Variants in TENT4B observed in about 807,000 individuals in gnomAD.
The protein encoded by TENT4B is terminal nucleotidyltransferase 4B.
In TENT4B, 10 loss-of-function variants were observed where a neutral mutation model predicts 75.0. That is an observed-to-expected ratio of 0.13 (90% CI 0.08 to 0.23). The LOEUF is 0.23. TENT4B is among the 10% of genes least tolerant of loss of function. TENT4B has a pLI of 1.00. For synonymous variants in TENT4B, 350 were observed against 357.7 expected (o/e 0.98, Z 0.24); for missense variants, 579 against 893.8 (o/e 0.65, Z 4.49).
rs539432468 is a variant in TENT4B, at chr16:50,219,700, C to G, written c.1038+2037C>G. On this transcript the variant is annotated intron_variant, in intron 5 of 11. Coordinates refer to ENST00000561678, the MANE Select transcript of TENT4B (RefSeq NM_001365324.3). Reference sequence around the variant, plus strand: ...CCTCCCCCTTTTCTTCTCCCTCCCCCTCTTCCTCTATCCCTCCCTTTCCCT... The same window carrying G: ...CCTCCCCCTTTTCTTCTCCCTCCCCGTCTTCCTCTATCCCTCCCTTTCCCT... Among the ~76,000 whole-genome samples, 41 of 149,306 alleles carry G rather than the reference C, an allele frequency of 2.7e-4. No homozygotes were observed. In the East Asian group the frequency reaches 7.9e-3, roughly 29 times the overall value.
chr16:50,202,932 C>A (rs2030738165), intron 1 of TENT4B, among the ~76,000 whole-genome samples: 1 of 152,108 alleles, frequency 6.6e-6, no homozygotes, highest in Non-Finnish European at 1.5e-5. Flanking sequence ...AACTGTAGTC[C>A]AGAAATTGAG....
Position 50,225,021 on chromosome 16 carries a change from CTGAG to C in TENT4B, c.1612+29_1612+32del, listed in dbSNP as rs370224416. On this transcript the variant is annotated intron_variant, in intron 9 of 11. Transcript: ENST00000561678. The stretch of plus-strand genomic sequence containing the variant: ...TAAGATATTTTCCTTGGTCGATTGA[CTGAG>C]TATTAGAGGCTTTTCTGTGTTGTGT... 139 of 1,610,388 alleles carry C rather than the reference CTGAG, an allele frequency of 8.6e-5. No individual in the cohort carries two copies. The East Asian group carries it at 1.4e-3, about 17-fold the overall frequency.
intron 2 of TENT4B, among the ~76,000 whole-genome samples, chr16:50,212,245 A>G (rs1240487765): frequency 6.6e-6 from 1 of 151,794 alleles, no homozygotes; most frequent in Non-Finnish European, 1.5e-5. Flanking sequence ...TTTTGTAGAG[A>G]CTGAGTCTCA....
chr16:50,160,098 C>T (rs1432736903), intron 1 of TENT4B, among the ~76,000 whole-genome samples: 3 of 152,024 alleles, frequency 2.0e-5, no homozygotes, highest in Non-Finnish European at 2.9e-5. Flanking sequence ...GGGGTTTCGC[C>T]GTGTTGGCCA....
At position 50,232,510 on chromosome 16, in the gene TENT4B, A is replaced by G; in HGVS notation, c.*3182A>G. The G allele has an allele frequency of 1.0e-6, 1 of 985,128 alleles. No homozygotes were observed. The highest frequency in any genetic ancestry group is 1.2e-6 in the Non-Finnish European group (1 of 829,898). The allele number at this position is 985,128 out of a possible 1,614,324, so 61.0% of individuals were successfully genotyped here. A position where few individuals can be genotyped will look rare whatever the true frequency, so the allele number is the denominator to read the frequency against. On this transcript the variant is annotated 3_prime_UTR_variant, in exon 12 of 12. Coordinates refer to ENST00000561678, the MANE Select transcript of TENT4B (RefSeq NM_001365324.3). ...TTCTGCTGGAACCTTATATCTCTCC[A>G]TGTGTTTTCTGCTCCTTCCCTCCCC...
At chr16:50,160,168 G>C (rs955593337) in intron 1 of TENT4B, among the ~76,000 whole-genome samples, 1 of 152,124 alleles carries the variant, frequency 6.6e-6, no homozygotes, top group South Asian at 2.1e-4. Flanking sequence ...ACAGTGCTAG[G>C]ATTACAGACA....
intron 1 of TENT4B, among the ~76,000 whole-genome samples, chr16:50,175,706 G>A (rs1018604358): frequency 6.6e-6 from 1 of 151,780 alleles, no homozygotes; most frequent in Non-Finnish European, 1.5e-5. Context: ...TCTTGACCTC[G>A]TGATCCGCCC....
intron 1 of TENT4B, among the ~76,000 whole-genome samples, chr16:50,182,588 A>G (rs541538370): frequency 2.4e-3 from 359 of 152,288 alleles, no homozygotes; most frequent in African/African-American, 8.1e-3. Context: ...CCATGTATTT[A>G]TATAGTTGAC....
Position 50,153,933 on chromosome 16 carries a change from G to A in TENT4B, c.312G>A (p.Leu104=). The change falls in exon 1 of 12, where the codon CTG becomes CTA. Residue 104 remains leucine, a synonymous_variant. Transcript: ENST00000561678. ...TGCCCGCGGAGCAGCGGGACTTCCT[G>A]CCCCTAGAGACGACCAACAACAACA... is the stretch of plus-strand genomic sequence containing the variant. The part of the protein sequence containing the change: ...HALPAEQRDF[L]PLETTNNNNN... 1.3e-6 allele frequency: 2 copies of A among 1,531,018 alleles called. No homozygotes were observed. The highest frequency in any genetic ancestry group is 2.8e-5 in the African/African-American group (2 of 72,400). The allele number at this position is 1,531,018 out of a possible 1,614,324, so 94.8% of individuals were successfully genotyped here. A position where few individuals can be genotyped will look rare whatever the true frequency, so the allele number is the denominator to read the frequency against.
chr16:50,179,328 C>T (rs2038367795), intron 1 of TENT4B, among the ~76,000 whole-genome samples: 1 of 152,192 alleles, frequency 6.6e-6, no homozygotes. Flanking sequence ...TGCCATTGCA[C>T]TCCAGCCTGG....
intron 10 of TENT4B, among the ~76,000 whole-genome samples, chr16:50,227,072 T>C (rs998077492): frequency 5.9e-5 from 9 of 152,258 alleles, no homozygotes; most frequent in African/African-American, 2.2e-4. Flanking sequence ...CTGTTTGAGT[T>C]TAACTTTATT....
chr16:50,190,727 A>G (rs1251441518), intron 1 of TENT4B, among the ~76,000 whole-genome samples: 3 of 152,066 alleles, frequency 2.0e-5, no homozygotes, highest in Non-Finnish European at 2.9e-5. Flanking sequence ...ACAATTTACT[A>G]TCTTAACCAT....
At chr16:50,174,954 A>C (rs1050373947) in intron 1 of TENT4B, among the ~76,000 whole-genome samples, 3 of 151,662 alleles carry the variant, frequency 2.0e-5, no homozygotes, top group African/African-American at 7.3e-5. Context: ...TCTTAGCCAG[A>C]CTGGTCTTGA....
rs560143701 is a variant in TENT4B at position 50,167,150 on chromosome 16, T to TAGA, written c.638+12902_638+12904dup. On this transcript the variant is annotated intron_variant, in intron 1 of 11. Transcript: ENST00000561678. ...ATCTTTTGACTTCCCTGGGCCACATTAGAAGAAGAAGAATTGTCTTGGGCC... is the reference window on the plus strand; with the variant it reads ...ATCTTTTGACTTCCCTGGGCCACATTAGAAGAAGAAGAAGAATTGTCTTGGGCC... Among the ~76,000 whole-genome samples, 15 of 152,216 alleles carry TAGA rather than the reference T, an allele frequency of 9.9e-5. 1 individual carries two copies. In the South Asian group the frequency reaches 3.1e-3, roughly 32 times the overall value.
chr16:50,197,464 T>A (rs1430641356), intron 1 of TENT4B, among the ~76,000 whole-genome samples: 1 of 152,176 alleles, frequency 6.6e-6, no homozygotes, highest in African/African-American at 2.4e-5. Flanking sequence ...GATTTTTGTA[T>A]TTTTTGTAGA....
chr16:50,182,439 G>A lies in TENT4B; in HGVS notation c.638+28180G>A, dbSNP rs553619941. On this transcript the variant is annotated intron_variant, in intron 1 of 11. Transcript: ENST00000561678. Reference sequence around the variant, plus strand: ...GCCTAGAATTTCAAAATACCTCTTCGTTATAAAGTATCAACTATTTCTTAG... The same window carrying A: ...GCCTAGAATTTCAAAATACCTCTTCATTATAAAGTATCAACTATTTCTTAG... Among the ~76,000 whole-genome samples, 6 of 152,104 alleles carry A rather than the reference G, an allele frequency of 3.9e-5. No homozygotes were observed. In the South Asian group the frequency reaches 1.0e-3, roughly 26 times the overall value.
intron 1 of TENT4B, among the ~76,000 whole-genome samples, chr16:50,180,110 T>C (rs1054963726): frequency 3.2e-5 from 2 of 63,090 alleles, no homozygotes; most frequent in Non-Finnish European, 8.3e-5. Flanking sequence ...TTTTTCTTTT[T>C]CTTTTTTTTT....
At chr16:50,172,833 C>G (rs2038232097) in intron 1 of TENT4B, among the ~76,000 whole-genome samples, 1 of 152,156 alleles carries the variant, frequency 6.6e-6, no homozygotes, top group Admixed American at 6.5e-5. Context: ...TACCTGAACC[C>G]CTGATAACCA....
intron 1 of TENT4B, among the ~76,000 whole-genome samples, chr16:50,154,628 T>TC (rs2037854841): frequency 6.6e-6 from 1 of 151,686 alleles, no homozygotes; most frequent in Admixed American, 6.6e-5. Context: ...CACACCTTTT[T>TC]CCCCATCATC....
Sources: gnomAD v4.1 joint callset for allele counts (sites outside exome capture counted in the v4.1 genomes callset) on GRCh38, gnomAD v4.1.1 for gene constraint, MANE v1.5 for transcripts, NCBI Gene and HGNC (gene_info 2026-07-23, HGNC 2026-07-21) for gene names.